Variants in SEMA4D observed in about 807,000 individuals in gnomAD.
SEMA4D encodes the protein semaphorin-4D.
SEMA4D carries 22 observed loss-of-function variants against 74.8 expected under a neutral mutation model. The ratio of observed to expected loss-of-function variants is 0.29; its 90% CI spans 0.21 to 0.42. The LOEUF is 0.42. Ranked by LOEUF, SEMA4D falls within the 10% of genes least tolerant of loss-of-function variation. The probability of loss-of-function intolerance (pLI) is 1.00; values close to 1 mark genes in which losing one functional copy is unlikely to be tolerated. For synonymous variants in SEMA4D, 445 were observed against 463.7 expected (o/e 0.96, Z 0.52); for missense variants, 937 against 1,118.4 (o/e 0.84, Z 2.31).
At chr9:89,386,199 C>T in intron 13 of SEMA4D, 168 bp downstream of exon 13, 1 of 607,840 alleles carries the variant, frequency 1.6e-6, no homozygotes, top group Non-Finnish European at 2.1e-6. Flanking sequence ...TCAGATCCCA[C>T]AGCTCACGGA....
chr9:89,404,162 TAA>T (rs964275822), intron 3 of SEMA4D, among the ~76,000 whole-genome samples: 1 of 151,058 alleles, frequency 6.6e-6, no homozygotes, highest in Non-Finnish European at 1.5e-5. Context: ...AAGAAATAAC[TAA>T]AAAAAAACTA....
At position 89,378,997 on chromosome 9, in the gene SEMA4D, T is replaced by C. The variant is rs1187530963; in HGVS notation, c.2296A>G (p.Lys766Glu). The C allele has an allele frequency of 1.2e-6, 2 of 1,613,262 alleles. No individual in the cohort carries two copies. The highest frequency in any genetic ancestry group is 1.7e-6 in the Non-Finnish European group (2 of 1,179,548). ...CCAATTAGTAGGGCCGAGCGGAATT[T>C]CAAGCACTGTCTGGGCAGGTATCCC... is the stretch of plus-strand genomic sequence containing the variant. ...YKGYLPRQCLKFRSALLIGKK... is the reference protein window; with the variant it reads ...YKGYLPRQCLEFRSALLIGKK... Residue 766 changes from lysine to glutamate, a missense_variant, in exon 16 of 16, where the codon AAA becomes GAA. Lys to Glu is a moderately conservative substitution (Grantham distance 56, BLOSUM62 1). Transcript: ENST00000422704.
chr9:89,390,237 C>A (rs961796603), intron 9 of SEMA4D, among the ~76,000 whole-genome samples: 1 of 152,116 alleles, frequency 6.6e-6, no homozygotes, highest in Non-Finnish European at 1.5e-5. Context: ...GCACTGTGCA[C>A]GCCTGCCAGG....
chr9:89,363,982 C>T, intron 16 of SEMA4D: 1 of 1,613,892 alleles, frequency 6.2e-7, no homozygotes. Flanking sequence ...ACCTCTGAGT[C>T]CACATTTAGG....
Position 89,379,212 on chromosome 9 carries a change from G to GCCTGCA in SEMA4D, c.2080_2081insTGCAGG (p.Gly693_Ala694insValGln). 6.2e-7 allele frequency: 1 copy of GCCTGCA among 1,613,990 alleles called. No homozygotes were observed. The highest frequency in any genetic ancestry group is 8.5e-7 in the Non-Finnish European group (1 of 1,179,898). On this transcript the variant is annotated inframe_insertion, in exon 16 of 16. Coordinates refer to ENST00000422704, the MANE Select transcript of SEMA4D (RefSeq NM_001371194.2). Reference sequence around the variant, plus strand: ...CGCAGGCTTGGGAGGAAGGGTGATGGCCCCGGAGGAGGTGGCCTGCACGGC... The same window carrying GCCTGCA: ...CGCAGGCTTGGGAGGAAGGGTGATGGCCTGCACCCCGGAGGAGGTGGCCTGCACGGC...
rs1156697533 is a variant in SEMA4D, at chr9:89,455,957, A to G, written c.-309-4T>C. On this transcript the variant is annotated splice_polypyrimidine_tract_variant and splice_region_variant and intron_variant, in intron 1 of 15. Transcript: ENST00000422704. Reference sequence around the variant, plus strand: ...CACTATCTGGTGTTAGCAGAGTCTGAAACAGAGTTAGAAAAGGGCACATTT... The same window carrying G: ...CACTATCTGGTGTTAGCAGAGTCTGGAACAGAGTTAGAAAAGGGCACATTT... 6.6e-6 allele frequency: 1 copy of G among 152,280 alleles called. No individual in the cohort carries two copies. Among genetic ancestry groups the G allele is most frequent in the East Asian group, 1.9e-4 (1 of 5,202 alleles). 9.4% of individuals were successfully genotyped at this position (152,280 alleles called of 1,614,324 possible).
At chr9:89,432,382 T>C (rs1010834459) in intron 2 of SEMA4D, among the ~76,000 whole-genome samples, 1 of 151,544 alleles carries the variant, frequency 6.6e-6, no homozygotes, top group Non-Finnish European at 1.5e-5. Context: ...GATCTGAAAA[T>C]TCAGGATGAT....
chr9:89,365,088 CAA>C (rs1833414731), intron 16 of SEMA4D: 1 of 152,310 alleles, frequency 6.6e-6, no homozygotes, highest in Non-Finnish European at 1.5e-5. Context: ...GAAGGAAAAA[CAA>C]GCACATCCAT....
chr9:89,388,620 C>A lies in SEMA4D; in HGVS notation c.1107+16G>T. On this transcript the variant is annotated intron_variant, in intron 11 of 15. Transcript: ENST00000422704. ...TTGAAGGGAAAGCACGGCCCGCCCC[C>A]AGTGCCCCAGCTCACCGCTCCAGGC... is the stretch of plus-strand genomic sequence containing the variant. 1 of 1,590,414 alleles carries A rather than the reference C, an allele frequency of 6.3e-7. No homozygotes were observed. The highest frequency in any genetic ancestry group is 1.3e-5 in the African/African-American group (1 of 74,194).
chr9:89,482,855 C>T (rs1014403364), intron 1 of SEMA4D, among the ~76,000 whole-genome samples: 8 of 152,150 alleles, frequency 5.3e-5, no homozygotes, highest in African/African-American at 1.7e-4. Context: ...ATTTCCACCG[C>T]GAGACATCTG....
At chr9:89,444,521 C>A (rs757356798) in intron 2 of SEMA4D, among the ~76,000 whole-genome samples, 3 of 152,120 alleles carry the variant, frequency 2.0e-5, no homozygotes, top group Non-Finnish European at 4.4e-5. Flanking sequence ...TTACATGAGA[C>A]CCTAACAGAC....
Position 89,370,363 on chromosome 9 carries a change from CTG to C in SEMA4D, c.1883-6415_1883-6414del, listed in dbSNP as rs1169586302. On this transcript the variant is annotated intron_variant, in intron 16 of 18. Coordinates refer to the SEMA4D transcript ENST00000339861. ...TCGTGTGGTGTATATTGTGGTGTAT[CTG>C]TACGTATGTGGTGTATCTGATATAT... Among the ~76,000 whole-genome samples the C allele has an allele frequency of 5.6e-5, 8 of 141,808 alleles. No homozygotes were observed. The East Asian group carries it at 8.0e-4, about 14-fold the overall frequency. 93.0% of individuals were successfully genotyped at this position (141,808 alleles called of 152,430 possible).
At chr9:89,408,328 A>G (rs778494567) in intron 2 of SEMA4D, among the ~76,000 whole-genome samples, 50 of 152,274 alleles carry the variant, frequency 3.3e-4, no homozygotes, top group Non-Finnish European at 3.1e-4. Flanking sequence ...CCTGGCACCC[A>G]CAAACATCCC....
intron 18 of SEMA4D, chr9:89,363,381 C>A: frequency 6.3e-7 from 1 of 1,599,112 alleles, no homozygotes. Context: ...GGCAGGTGCC[C>A]TGCCCCTGGC....
intron 1 of SEMA4D, among the ~76,000 whole-genome samples, chr9:89,483,291 G>A (rs562115637): frequency 2.8e-4 from 42 of 152,326 alleles, no homozygotes; most frequent in Middle Eastern, 3.4e-3. Flanking sequence ...TCAAAGACAA[G>A]CTAGATATCC....
At chr9:89,416,271 C>T (rs72748981) in intron 2 of SEMA4D, among the ~76,000 whole-genome samples, 11 of 152,282 alleles carry the variant, frequency 7.2e-5, no homozygotes, top group Non-Finnish European at 1.2e-4. Context: ...CAGCTACAGG[C>T]GTGCAAAGCG....
intron 2 of SEMA4D, chr9:89,449,606 G>A (rs1853848908): frequency 1.9e-6 from 2 of 1,026,108 alleles, no homozygotes; most frequent in Non-Finnish European, 1.5e-6. Flanking sequence ...CGAGGACCTG[G>A]TCGTGACCAA....
At chr9:89,412,384 G>A (rs1844728102) in intron 2 of SEMA4D, among the ~76,000 whole-genome samples, 2 of 152,346 alleles carry the variant, frequency 1.3e-5, no homozygotes, top group South Asian at 4.1e-4. Flanking sequence ...GTCAGCAGGT[G>A]CCCAGGTGGA....
chr9:89,440,962 C>T (rs1013950941), intron 2 of SEMA4D, among the ~76,000 whole-genome samples: 1 of 152,230 alleles, frequency 6.6e-6, no homozygotes, highest in African/African-American at 2.4e-5. Context: ...AATTTCCACC[C>T]AAGAGGGCAA....
Sources: gnomAD v4.1 joint callset for allele counts (sites outside exome capture counted in the v4.1 genomes callset) on GRCh38, gnomAD v4.1.1 for gene constraint, MANE v1.5 for transcripts, NCBI Gene and HGNC (gene_info 2026-07-23, HGNC 2026-07-21) for gene names.